CFAP161: variants seen among roughly 807,000 people sequenced by gnomAD.
CFAP161 encodes cilia- and flagella-associated protein 161.
In CFAP161, 25 loss-of-function variants were observed where a neutral mutation model predicts 29.0. That is an observed-to-expected ratio of 0.86 (90% CI 0.63 to 1.20). The LOEUF (loss-of-function observed/expected upper bound fraction) is 1.20. Among genes scored for constraint, CFAP161 ranks in the 50% most tolerant of loss-of-function variants. CFAP161 has a pLI of 0.00. For synonymous variants in CFAP161, 116 were observed against 137.4 expected (o/e 0.84, Z 1.09); for missense variants, 367 against 371.9 (o/e 0.99, Z 0.11).
At chr15:81,099,815 A>G (rs571479494) in intron 1 of CFAP161, among the ~76,000 whole-genome samples, 8 of 152,194 alleles carry the variant, frequency 5.3e-5, no homozygotes, top group Non-Finnish European at 1.0e-4. Context: ...TAAATTTTCT[A>G]AGTGCTTATT....
chr15:81,109,003 C>G (rs1280169079), intron 1 of CFAP161, among the ~76,000 whole-genome samples: 1 of 152,084 alleles, frequency 6.6e-6, no homozygotes, highest in Non-Finnish European at 1.5e-5. Context: ...CCCATTGAAA[C>G]TCTCACAAAA....
intron 1 of CFAP161, 90 bp downstream of exon 1, chr15:81,134,488 C>T (rs1250506360): frequency 7.8e-7 from 1 of 1,278,966 alleles, no homozygotes; most frequent in Non-Finnish European, 1.1e-6. Flanking sequence ...GCGCCTCAAG[C>T]CTCCTCTCTC....
At chr15:81,127,483 A>G (rs1259234621) in intron 1 of CFAP161, 2 of 152,224 alleles carry the variant, frequency 1.3e-5, no homozygotes, top group African/African-American at 4.8e-5. Flanking sequence ...AAGAGTACTC[A>G]ATCTGGAAAA....
chr15:81,126,447 C>T (rs1280966567), intron 1 of CFAP161, among the ~76,000 whole-genome samples: 1 of 152,076 alleles, frequency 6.6e-6, no homozygotes, highest in African/African-American at 2.4e-5. Context: ...CTCCAGGTAG[C>T]CTTGAACAAG....
chr15:81,133,219 A>ATG (rs1894744309), upstream of CFAP161, among the ~76,000 whole-genome samples: 2 of 29,306 alleles, frequency 6.8e-5, no homozygotes, highest in Admixed American at 3.7e-4. Flanking sequence ...ATATATATAT[A>ATG]TATATGTATT....
Position 81,147,930 on chromosome 15 carries a change from A to G in CFAP161, c.709A>G (p.Ser237Gly), listed in dbSNP as rs1895036964. Residue 237 changes from serine to glycine, a missense_variant and splice_region_variant, in exon 6 of 7, where the codon AGC (serine) becomes GGC (glycine). Coordinates refer to ENST00000286732, the MANE Select transcript of CFAP161 (RefSeq NM_173528.4). Reference protein sequence around the residue: ...GLAAHRHLFLSTYFGKEAEVV... With the variant: ...GLAAHRHLFLGTYFGKEAEVV... ...GGCAGCCCACCGGCATCTTTTCTTA[A>G]GGTATTGTATTTCAGGGTACAACAA... 1 of 1,607,424 alleles carries G rather than the reference A, an allele frequency of 6.2e-7. No individual in the cohort carries two copies. Among genetic ancestry groups the G allele is most frequent in the Non-Finnish European group, 8.5e-7 (1 of 1,175,868 alleles).
intron 1 of CFAP161, among the ~76,000 whole-genome samples, chr15:81,101,077 T>A (rs777688850): frequency 2.0e-5 from 3 of 152,188 alleles, no homozygotes; most frequent in Non-Finnish European, 4.4e-5. Flanking sequence ...CACATCTCAT[T>A]TCTGATCAAT....
At chr15:81,137,997 A>G (rs1894840782) in intron 3 of CFAP161, 54 bp from the exon 4 acceptor site, 1 of 1,352,370 alleles carries the variant, frequency 7.4e-7, no homozygotes, top group East Asian at 2.4e-5. Flanking sequence ...GAGTCATAGA[A>G]TGATTCTAAT....
At chr15:81,148,135 T>C (rs539381442) in intron 6 of CFAP161, among the ~76,000 whole-genome samples, 1 of 152,304 alleles carries the variant, frequency 6.6e-6, no homozygotes, top group South Asian at 2.1e-4. Flanking sequence ...ACAAGAGGAC[T>C]TTGGTTCTAA....
upstream of CFAP161, among the ~76,000 whole-genome samples, chr15:81,132,080 C>T (rs1020694332): frequency 8.5e-5 from 13 of 152,124 alleles, no homozygotes; most frequent in African/African-American, 3.1e-4. Flanking sequence ...AGTTCAAGAC[C>T]AGCCTGGCCA....
At chr15:81,101,768 C>A (rs1894306737) in intron 1 of CFAP161, among the ~76,000 whole-genome samples, 1 of 152,150 alleles carries the variant, frequency 6.6e-6, no homozygotes, top group Admixed American at 6.5e-5. Flanking sequence ...TCCTGTGGAG[C>A]TGGCCCCCAG....
intron 1 of CFAP161, chr15:81,127,543 C>G (rs1373958296): frequency 6.6e-6 from 1 of 152,116 alleles, no homozygotes; most frequent in Non-Finnish European, 1.5e-5. Context: ...GGCAAAAAGT[C>G]TTTTTTCATC....
At chr15:81,114,766 T>C (rs879541597) in intron 1 of CFAP161, among the ~76,000 whole-genome samples, 46 of 151,698 alleles carry the variant, frequency 3.0e-4, no homozygotes, top group Non-Finnish European at 5.2e-4. Context: ...CGGGTTCACG[T>C]CATTCTCCTG....
intron 1 of CFAP161, among the ~76,000 whole-genome samples, chr15:81,118,929 A>T (rs1281409496): frequency 2.0e-5 from 3 of 152,266 alleles, no homozygotes; most frequent in African/African-American, 4.8e-5. Flanking sequence ...TGAAATCTGG[A>T]AAACATTTAA....
upstream of CFAP161, among the ~76,000 whole-genome samples, chr15:81,133,231 T>TA (rs1894747492): frequency 1.9e-5 from 2 of 107,410 alleles, no homozygotes; most frequent in Non-Finnish European, 2.1e-5. Context: ...ATATGTATTT[T>TA]TTTTTAAATT....
At chr15:81,134,193 C>T, upstream of CFAP161, 4 of 1,029,368 alleles carry the variant, frequency 3.9e-6, no homozygotes, top group Non-Finnish European at 5.6e-6. Context: ...CGCCCCAGGG[C>T]GAGGGTGCGC....
At chr15:81,136,482 T>A (rs1291534830) in intron 2 of CFAP161, 34 bp from the exon 3 acceptor site, 1 of 1,590,548 alleles carries the variant, frequency 6.3e-7, no homozygotes, top group Non-Finnish European at 8.6e-7. Context: ...AGGAATTGCA[T>A]GGTTTATGTA....
chr15:81,117,930 G>A, intron 1 of CFAP161: 1 of 435,426 alleles, frequency 2.3e-6, no homozygotes. Flanking sequence ...CTGAGTCAGG[G>A]GCTTCCTGGT....
chr15:81,141,820 G>C (rs963512978), intron 4 of CFAP161, among the ~76,000 whole-genome samples: 1 of 151,880 alleles, frequency 6.6e-6, no homozygotes, highest in Non-Finnish European at 1.5e-5. Context: ...GCGTAGCTGG[G>C]ATTACAGGCA....
Sources: gnomAD v4.1 joint callset for allele counts (sites outside exome capture counted in the v4.1 genomes callset) on GRCh38, gnomAD v4.1.1 for gene constraint, MANE v1.5 for transcripts, NCBI Gene and HGNC (gene_info 2026-07-23, HGNC 2026-07-21) for gene names.